NUP42: variants seen among roughly 807,000 people sequenced by gnomAD.
NUP42 encodes the protein nucleoporin 42, also known as nucleoporin NUP42.
Under a neutral mutation model 35.9 loss-of-function variants are expected in NUP42, and 47 were observed. That is an observed-to-expected ratio of 1.31 (90% CI 1.04 to 1.67). The LOEUF (loss-of-function observed/expected upper bound fraction) is 1.67. Ranked by LOEUF, NUP42 falls within the 40% of genes most tolerant of loss-of-function variation. The probability of loss-of-function intolerance (pLI) is 0.00; values close to 1 mark genes in which losing one functional copy is unlikely to be tolerated. For synonymous variants in NUP42, 173 were observed against 173.3 expected, an observed-to-expected ratio of 1.00 and a Z score of 0.01; for missense variants, 514 against 492.2, an observed-to-expected ratio of 1.04 and a Z score of -0.42.
At chr7:23,182,938 A>T (rs2128471920) in intron 1 of NUP42, among the ~76,000 whole-genome samples, 1 of 151,738 alleles carries the variant, frequency 6.6e-6, no homozygotes, top group East Asian at 1.9e-4. Context: ...AAAGAAAAGA[A>T]AAAAAGAAAA....
chr7:23,182,546 A>C (rs938897515), intron 1 of NUP42: 1 of 1,032,906 alleles, frequency 9.7e-7, no homozygotes, highest in Non-Finnish European at 1.2e-6. Flanking sequence ...GGGTGAGGCT[A>C]GCAGCTTGGG....
At position 23,200,267 on chromosome 7, in the gene NUP42, T is replaced by A. The variant is rs765557668; in HGVS notation, c.794T>A (p.Phe265Tyr). ...GCCTCTTCTGGAAGCCCTGCTGGTT[T>A]TGGGAGTTCCCCAGCATTTGGAGCT... ...AAASSGSPAG[F>Y]GSSPAFGAAA... Residue 265 changes from phenylalanine to tyrosine, a missense_variant, in exon 7 of 7, where the codon TTT (phenylalanine) becomes TAT (tyrosine). Phe to Tyr is a conservative substitution (Grantham distance 22). Transcript: ENST00000258742. The A allele has an allele frequency of 4.4e-6, 7 of 1,603,502 alleles. No homozygotes were observed. The African/African-American group carries it at 8.0e-5, about 18-fold the overall frequency.
Position 23,200,414 on chromosome 7 carries a change from C to G in NUP42, c.941C>G (p.Pro314Arg). 2 of 1,614,190 alleles carry G rather than the reference C, an allele frequency of 1.2e-6. No homozygotes were observed. The highest frequency in any genetic ancestry group is 1.7e-6 in the Non-Finnish European group (2 of 1,180,032). The change falls in exon 7 of 7, where the codon CCT (proline) becomes CGT (arginine). Residue 314 changes from proline to arginine, a missense_variant. Transcript: ENST00000258742. ...CCTGCAGCTTCCAGTTTTGGATCAC[C>G]TGGATTTTCAGGACTTCCAGCTTCC... ...KSPAASSFGS[P>R]GFSGLPASLA... is the part of the protein sequence containing the mutation.
At chr7:23,188,042 C>G in intron 3 of NUP42, 1 of 1,423,792 alleles carries the variant, frequency 7.0e-7, no homozygotes. Context: ...GTCCCTAAGC[C>G]CTTTCTGGGC....
At chr7:23,182,696 G>A (rs1441046835) in intron 1 of NUP42, among the ~76,000 whole-genome samples, 4 of 133,828 alleles carry the variant, frequency 3.0e-5, no homozygotes, top group Non-Finnish European at 4.6e-5. Context: ...AGGAGTTTGA[G>A]ACCAGCCTGA....
chr7:23,187,930 TTCTC>T, intron 3 of NUP42: 3 of 435,480 alleles, frequency 6.9e-6, no homozygotes, highest in African/African-American at 2.1e-5. Context: ...CTTTAGAATA[TTCTC>T]TGTCTCTCTC....
intron 3 of NUP42, chr7:23,187,952 C>A: frequency 1.7e-6 from 1 of 573,130 alleles, no homozygotes; most frequent in Non-Finnish European, 2.9e-6. Flanking sequence ...CTCTCTCTCT[C>A]TGGCCTGGAA....
At position 23,185,217 on chromosome 7, in the gene NUP42, A is replaced by T; in HGVS notation, c.269A>T (p.Asn90Ile). 6.2e-7 allele frequency: 1 copy of T among 1,614,138 alleles called. No individual in the cohort carries two copies. Among genetic ancestry groups the T allele is most frequent in the Non-Finnish European group, 8.5e-7 (1 of 1,180,028 alleles). The change falls in exon 2 of 7, where the codon AAC becomes ATC. Residue 90 changes from asparagine to isoleucine, a missense_variant. By Grantham distance (149) the Asn-to-Ile change is moderately radical. Transcript: ENST00000258742. Reference protein sequence around the residue: ...FSSFDSGASTNRKEGFGLSEN... With the variant: ...FSSFDSGASTIRKEGFGLSEN... ...TCTTTTGATTCTGGAGCTTCAACTA[A>T]CAGGAAGGAAGGCTTTGGATTGTCT...
At chr7:23,187,752 G>A (rs571605271) in intron 3 of NUP42, among the ~76,000 whole-genome samples, 2 of 151,618 alleles carry the variant, frequency 1.3e-5, no homozygotes, top group Non-Finnish European at 2.9e-5. Flanking sequence ...GATTACAGTT[G>A]CCCGCTACCA....
rs1414227866 is a variant in NUP42 at position 23,190,943 on chromosome 7, G to A, written c.445+3797G>A. On this transcript the variant is annotated intron_variant, in intron 3 of 6. Transcript: ENST00000258742. ...AGCTGGAAGGAATAGGCAATTAGGGGAACAATATTTCTTTAGATAGAGTGG... is the reference window on the plus strand; with the variant it reads ...AGCTGGAAGGAATAGGCAATTAGGGAAACAATATTTCTTTAGATAGAGTGG... 2.0e-5 allele frequency among the ~76,000 whole-genome samples: 3 copies of A among 152,148 alleles called. No homozygotes were observed. The South Asian group carries it at 6.2e-4, about 32-fold the overall frequency.
Position 23,190,948 on chromosome 7 carries a change from A to G in NUP42, c.445+3802A>G, listed in dbSNP as rs557583296. Among the ~76,000 whole-genome samples the G allele has an allele frequency of 2.0e-5, 3 of 152,298 alleles. No homozygotes were observed. In the East Asian group the frequency reaches 5.8e-4, roughly 29 times the overall value. ...GAAGGAATAGGCAATTAGGGGAACA[A>G]TATTTCTTTAGATAGAGTGGTTATC... On this transcript the variant is annotated intron_variant, in intron 3 of 6. Coordinates refer to ENST00000258742, the MANE Select transcript of NUP42 (RefSeq NM_007342.3).
intron 5 of NUP42, 26 bp downstream of exon 5, chr7:23,196,792 G>T (rs1432729861): frequency 9.5e-6 from 14 of 1,479,740 alleles, no homozygotes; most frequent in Admixed American, 3.4e-5. Flanking sequence ...TTTTCTTGAG[G>T]GAAGTGTCTT....
chr7:23,188,126 T>G, intron 3 of NUP42: 2 of 1,341,458 alleles, frequency 1.5e-6, no homozygotes, highest in Non-Finnish European at 1.9e-6. Flanking sequence ...GAGGAAACAG[T>G]GGGTACCTTG....
chr7:23,197,188 A>C, intron 5 of NUP42: 3 of 1,299,568 alleles, frequency 2.3e-6, no homozygotes, highest in Middle Eastern at 4.3e-4. Context: ...CCTTTGGAAG[A>C]TATATACCCA....
At chr7:23,189,440 C>G (rs1039363270) in intron 3 of NUP42, among the ~76,000 whole-genome samples, 1 of 152,104 alleles carries the variant, frequency 6.6e-6, no homozygotes, top group South Asian at 2.1e-4. Context: ...ATAGCAAGAC[C>G]TTGTCTCTAC....
intron 3 of NUP42, among the ~76,000 whole-genome samples, chr7:23,192,724 C>T (rs1785843837): frequency 6.6e-6 from 1 of 151,726 alleles, no homozygotes; most frequent in Non-Finnish European, 1.5e-5. Flanking sequence ...GAAGAAAATC[C>T]CTGTACAAGT....
chr7:23,191,630 C>T (rs1785795737), intron 3 of NUP42, among the ~76,000 whole-genome samples: 1 of 152,210 alleles, frequency 6.6e-6, no homozygotes, highest in South Asian at 2.1e-4. Flanking sequence ...ACAAGGAATT[C>T]TTTGTAGAAA....
At chr7:23,183,179 G>A (rs147435347) in intron 1 of NUP42, among the ~76,000 whole-genome samples, 163 of 152,186 alleles carry the variant, frequency 1.1e-3, no homozygotes, top group African/African-American at 3.6e-3. Flanking sequence ...TTTAAAGATC[G>A]GGTTAATAAT....
intron 3 of NUP42, among the ~76,000 whole-genome samples, chr7:23,192,001 A>G (rs539826975): frequency 3.9e-5 from 6 of 152,360 alleles, no homozygotes; most frequent in East Asian, 3.9e-4. Context: ...GAAAACTTGG[A>G]AAGTACAGAA....
Sources: gnomAD v4.1 joint callset for allele counts (sites outside exome capture counted in the v4.1 genomes callset) on GRCh38, gnomAD v4.1.1 for gene constraint, MANE v1.5 for transcripts, NCBI Gene and HGNC (gene_info 2026-07-23, HGNC 2026-07-21) for gene names.